Variants in SFSWAP observed in about 807,000 individuals in gnomAD.
SFSWAP encodes the protein splicing factor, suppressor of white-apricot homolog.
Under a neutral mutation model 100.7 loss-of-function variants are expected in SFSWAP, and 17 were observed. The observed-to-expected ratio is 0.17, with a 90% CI of 0.12 to 0.25. The LOEUF (loss-of-function observed/expected upper bound fraction) is 0.25, where lower values mean the gene tolerates loss of function less well. Ranked by LOEUF, SFSWAP falls within the 10% of genes least tolerant of loss-of-function variation. The pLI is 1.00. For missense variants in SFSWAP, 1,005 were observed against 1,262.6 expected (o/e 0.80, Z 3.09); for synonymous variants, 504 against 510.1 (o/e 0.99, Z 0.16).
At chr12:131,775,858 G>A (rs543904380) in intron 13 of SFSWAP, among the ~76,000 whole-genome samples, 1 of 151,978 alleles carries the variant, frequency 6.6e-6, no homozygotes, top group South Asian at 2.1e-4. Flanking sequence ...GGGATGCTGA[G>A]GTGTGCAGTT....
chr12:131,744,722 C>T (rs1466555915), intron 7 of SFSWAP, among the ~76,000 whole-genome samples: 1 of 152,204 alleles, frequency 6.6e-6, no homozygotes, highest in Non-Finnish European at 1.5e-5. Flanking sequence ...TACCAAATTA[C>T]TGGATTAGTC....
At position 131,743,576 on chromosome 12, in the gene SFSWAP, G is replaced by A. The variant is rs1413503030; in HGVS notation, c.1082-9547G>A. On this transcript the variant is annotated intron_variant, in intron 7 of 17. Transcript: ENST00000261674. ...CAGCTCCGCGCCTGTGGCTCTGCAG[G>A]GTACAACCTCCCTCCCGGCTGCTTT... 2.6e-5 allele frequency among the ~76,000 whole-genome samples: 4 copies of A among 152,328 alleles called. No individual in the cohort carries two copies. The South Asian group carries it at 6.2e-4, about 24-fold the overall frequency.
chr12:131,774,683 C>G (rs1221094212), intron 13 of SFSWAP, among the ~76,000 whole-genome samples: 1 of 151,978 alleles, frequency 6.6e-6, no homozygotes, highest in Admixed American at 6.5e-5. Context: ...CTGAAAAAAG[C>G]AGTAATGTCA....
In SFSWAP at chr12:131,730,455, C is replaced by T. The variant is rs1879390373; in HGVS notation, c.1081+2027C>T. Among the ~76,000 whole-genome samples the T allele has an allele frequency of 6.6e-6, 1 of 152,192 alleles. No individual in the cohort carries two copies. Among genetic ancestry groups the T allele is most frequent in the Non-Finnish European group, 1.5e-5 (1 of 68,038 alleles). ...TGCTAATCACTGGTGGAAGAACAGCCATGTGCAGACCCCGCAGGACCAGGC... is the reference window on the plus strand; with the variant it reads ...TGCTAATCACTGGTGGAAGAACAGCTATGTGCAGACCCCGCAGGACCAGGC... On this transcript the variant is annotated intron_variant, in intron 7 of 17. Transcript: ENST00000261674. The surrounding 1 kb of genome is among the most constrained non-coding windows in gnomAD (Gnocchi z 4.0).
At chr12:131,766,605 C>T (rs1368950337) in intron 13 of SFSWAP, among the ~76,000 whole-genome samples, 1 of 152,202 alleles carries the variant, frequency 6.6e-6, no homozygotes, top group Non-Finnish European at 1.5e-5. Context: ...GGGAGTGCCT[C>T]CCATGGGTCC....
chr12:131,779,238 T>TGTGTGAAGAGGGCGGCGCGGGTGAGCGG (rs1884289067), intron 14 of SFSWAP, among the ~76,000 whole-genome samples: 2 of 148,080 alleles, frequency 1.4e-5, no homozygotes, highest in African/African-American at 2.5e-5. Flanking sequence ...CGGGTGAGCG[T>TGTGTGAAGAGGGCGGCGCGGGTGAGCGG]GTGTGAAGAG....
At chr12:131,755,331 T>TA in intron 9 of SFSWAP, 55 bp from the exon 10 acceptor site, 1 of 1,241,376 alleles carries the variant, frequency 8.1e-7, no homozygotes, top group South Asian at 1.2e-5. Flanking sequence ...GGCCTGTTGT[T>TA]ACTTCAGTGA....
rs758654787 is a variant in SFSWAP at position 131,714,938 on chromosome 12, C to G, written c.505C>G (p.Pro169Ala). ...GTCAGAGCCGACGGAGGAGGAGGAGCCTTCCAAACAGAGAGGTGAGTGGGG... is the reference window on the plus strand; with the variant it reads ...GTCAGAGCCGACGGAGGAGGAGGAGGCTTCCAAACAGAGAGGTGAGTGGGG... ...DPSEPTEEEEPSKQREKNEAE... is the reference protein window; with the variant it reads ...DPSEPTEEEEASKQREKNEAE... Residue 169 changes from proline to alanine, a missense_variant, in exon 3 of 18, where the codon CCT becomes GCT. Coordinates refer to ENST00000261674, the MANE Select transcript of SFSWAP (RefSeq NM_004592.4). The surrounding 1 kb of genome is among the most constrained non-coding windows in gnomAD (Gnocchi z 6.0). 9 of 1,613,944 alleles carry G rather than the reference C, an allele frequency of 5.6e-6. No individual in the cohort carries two copies. In the East Asian group the frequency reaches 1.3e-4, roughly 24 times the overall value.
In SFSWAP at chr12:131,734,965, C is replaced by T. The variant is rs972878298; in HGVS notation, c.1081+6537C>T. On this transcript the variant is annotated intron_variant, in intron 7 of 17. Transcript: ENST00000261674. The surrounding 1 kb of genome is among the most constrained non-coding windows in gnomAD (Gnocchi z 4.9). ...AGAGACAGACAGGTCAGGCCGGAAGCGACTGTCCGTGAAGGTGACGCTCAT... is the reference window on the plus strand; with the variant it reads ...AGAGACAGACAGGTCAGGCCGGAAGTGACTGTCCGTGAAGGTGACGCTCAT... Among the ~76,000 whole-genome samples, 2 of 152,138 alleles carry T rather than the reference C, an allele frequency of 1.3e-5. No individual in the cohort carries two copies. Among genetic ancestry groups the T allele is most frequent in the Non-Finnish European group, 2.9e-5 (2 of 68,036 alleles).
chr12:131,784,993 A>G (rs2136269183), intron 14 of SFSWAP: 1 of 1,170,830 alleles, frequency 8.5e-7, no homozygotes. Flanking sequence ...TTGAATAAGC[A>G]GAGCTTTTTT....
At chr12:131,713,271 G>A (rs1877556917) in intron 1 of SFSWAP, 1 of 152,184 alleles carries the variant, frequency 6.6e-6, no homozygotes, top group Non-Finnish European at 1.5e-5. Context: ...TATGTTAAAA[G>A]CATAGCAGAA....
chr12:131,720,563 A>G (rs7306271), intron 4 of SFSWAP, among the ~76,000 whole-genome samples: 78,927 of 152,030 alleles, frequency 0.52, 20,529 homozygotes, highest in South Asian at 0.66. Context: ...AGGCATTCTC[A>G]ATTCTTGTTT....
intron 7 of SFSWAP, among the ~76,000 whole-genome samples, 161 bp from the exon 8 acceptor site, chr12:131,752,962 G>A (rs1183501994): frequency 1.3e-5 from 2 of 152,170 alleles, no homozygotes; most frequent in Non-Finnish European, 2.9e-5. Context: ...ATATTGTGCA[G>A]ACAACTTTTT....
At chr12:131,743,782 G>A (rs1880876187) in intron 7 of SFSWAP, among the ~76,000 whole-genome samples, 1 of 152,258 alleles carries the variant, frequency 6.6e-6, no homozygotes, top group Non-Finnish European at 1.5e-5. Flanking sequence ...CCTAGCAAAG[G>A]TTCTCGATGA....
rs1878914509 is a variant in SFSWAP, at chr12:131,725,816, C to T, written c.832+186C>T. Among the ~76,000 whole-genome samples, 1 of 152,142 alleles carries T rather than the reference C, an allele frequency of 6.6e-6. No individual in the cohort carries two copies. Among genetic ancestry groups the T allele is most frequent in the African/African-American group, 2.4e-5 (1 of 41,418 alleles). ...GGCGTGATCGTTACCCCTGCTGGTG[C>T]ACCTTTATTAAATCTTTGGTTAATA... On this transcript the variant is annotated intron_variant, in intron 5 of 17. Coordinates refer to ENST00000261674, the MANE Select transcript of SFSWAP (RefSeq NM_004592.4). This position sits in a 1 kb window ranked among gnomAD's most constrained non-coding sequence, Gnocchi z 4.3.
intron 15 of SFSWAP, among the ~76,000 whole-genome samples, chr12:131,793,501 T>C (rs1885423162): frequency 6.6e-6 from 1 of 152,130 alleles, no homozygotes; most frequent in African/African-American, 2.4e-5. Context: ...AAACAAAAAC[T>C]AGAACCATTA....
chr12:131,725,630 A>G lies in SFSWAP; in HGVS notation c.832A>G (p.Lys278Glu), dbSNP rs1318300019. ...AGAAAACAAAAGTGACGAGAAAAAA[A>G]GTAGGTCCCACTGCGTCTGTTCCGT... ...LAENKSDEKK[K>E]SGVSSDNEDD... is the part of the protein sequence containing the mutation. The change falls in exon 5 of 18, where the codon AAA (lysine) becomes GAA (glutamate). Residue 278 changes from lysine to glutamate, a missense_variant and splice_region_variant. Coordinates refer to ENST00000261674, the MANE Select transcript of SFSWAP (RefSeq NM_004592.4). The surrounding 1 kb of genome is among the most constrained non-coding windows in gnomAD (Gnocchi z 4.3). The G allele has an allele frequency of 8.1e-6, 13 of 1,610,338 alleles. No individual in the cohort carries two copies. Among genetic ancestry groups the G allele is most frequent in the South Asian group, 2.2e-5 (2 of 90,554 alleles).
At chr12:131,772,853 G>A (rs554129877) in intron 13 of SFSWAP, among the ~76,000 whole-genome samples, 1 of 152,290 alleles carries the variant, frequency 6.6e-6, no homozygotes, top group South Asian at 2.1e-4. Flanking sequence ...AAAGGGTGGT[G>A]AATATGGAGG....
chr12:131,786,838 G>A (rs1215859725), intron 15 of SFSWAP, among the ~76,000 whole-genome samples: 1 of 152,228 alleles, frequency 6.6e-6, no homozygotes, highest in African/African-American at 2.4e-5. Context: ...TTCGTGTCCA[G>A]CTTTCCACTG....
Sources: allele counts gnomAD v4.1 joint callset (sites outside exome capture counted in the v4.1 genomes callset), GRCh38; gene constraint gnomAD v4.1.1; non-coding constraint Gnocchi (gnomAD v3.1); transcripts MANE v1.5; gene names NCBI Gene and HGNC (gene_info 2026-07-23, HGNC 2026-07-21).